GALNT18: variants seen among roughly 807,000 people sequenced by gnomAD.
GALNT18 encodes polypeptide N-acetylgalactosaminyltransferase 18, also known as GalNAc-transferase 18.
A neutral mutation model predicts 69.5 loss-of-function variants in GALNT18; 44 were observed. The observed-to-expected ratio is 0.63, with a 90% confidence interval of 0.50 to 0.81. GALNT18 has a LOEUF of 0.81. Ranked by LOEUF, GALNT18 falls within the 40% of genes least tolerant of loss-of-function variation. GALNT18 has a pLI of 0.00. For synonymous variants in GALNT18, 364 were observed against 318.2 expected (o/e 1.14, Z -1.53); for missense variants, 715 against 810.0 (o/e 0.88, Z 1.42).
At chr11:11,354,900 T>A (rs1255322197) in intron 6 of GALNT18, among the ~76,000 whole-genome samples, 1 of 152,128 alleles carries the variant, frequency 6.6e-6, no homozygotes, top group Non-Finnish European at 1.5e-5. Context: ...TAACCTGTAA[T>A]TCATCTGTAG....
chr11:11,312,962 A>G (rs551493685), intron 9 of GALNT18, among the ~76,000 whole-genome samples: 2 of 152,332 alleles, frequency 1.3e-5, no homozygotes, highest in African/African-American at 4.8e-5. Flanking sequence ...CAGGTGTAAC[A>G]ATTCACAAAG....
rs369373101 is a variant in GALNT18 at position 11,609,615 on chromosome 11, A to G, written c.235+11744T>C. ...AGAAGGCAGCGGTACACCCCAGGTC[A>G]CTGTCAAACTTCCAGCCAACACTGA... On this transcript the variant is annotated intron_variant, in intron 1 of 10. Transcript: ENST00000227756. Among the ~76,000 whole-genome samples, 101 of 152,342 alleles carry G rather than the reference A, an allele frequency of 6.6e-4. 2 individuals are homozygous for G. The East Asian group carries it at 0.018, about 28-fold the overall frequency.
intron 9 of GALNT18, among the ~76,000 whole-genome samples, chr11:11,306,873 C>T (rs1227226897): frequency 6.6e-6 from 1 of 152,214 alleles, no homozygotes; most frequent in Non-Finnish European, 1.5e-5. Flanking sequence ...TACTTTGGGC[C>T]AATGAAATGT....
At chr11:11,445,509 G>A (rs954414202) in intron 2 of GALNT18, among the ~76,000 whole-genome samples, 1 of 152,236 alleles carries the variant, frequency 6.6e-6, no homozygotes, top group Non-Finnish European at 1.5e-5. Context: ...TACAAGGCAG[G>A]GATGTTTTTA....
rs1860110235 is a variant in GALNT18, at chr11:11,618,410, GTTAAAGGACTGGA to G, written c.235+2936_235+2948del. ...TGTCCTGCATGTTCAGTAAACATTA[GTTAAAGGACTGGA>G]ACCTCTGCCTCTTGGCATGAAACAA... is the stretch of plus-strand genomic sequence containing the variant. On this transcript the variant is annotated intron_variant, in intron 1 of 10. Transcript: ENST00000227756. The surrounding 1 kb of genome is among the most constrained non-coding windows in gnomAD (Gnocchi z 6.1). Among the ~76,000 whole-genome samples the G allele has an allele frequency of 6.6e-6, 1 of 152,234 alleles. No individual in the cohort carries two copies. Among genetic ancestry groups the G allele is most frequent in the Non-Finnish European group, 1.5e-5 (1 of 68,046 alleles).
Position 11,341,038 on chromosome 11 carries a change from G to A in GALNT18, c.1093-34C>T. On this transcript the variant is annotated intron_variant, in intron 6 of 10. Transcript: ENST00000227756. This position sits in a 1 kb window ranked among gnomAD's most constrained non-coding sequence, Gnocchi z 6.3. Reference sequence around the variant, plus strand: ...GACATGGAGCCACTTGTCAGAGCCTGCCTGGCTCTGCCTTTCTACACCAGG... The same window carrying A: ...GACATGGAGCCACTTGTCAGAGCCTACCTGGCTCTGCCTTTCTACACCAGG... The A allele has an allele frequency of 6.5e-7, 1 of 1,549,104 alleles. No homozygotes were observed. Among genetic ancestry groups the A allele is most frequent in the South Asian group, 1.2e-5 (1 of 81,902 alleles).
intron 1 of GALNT18, among the ~76,000 whole-genome samples, chr11:11,488,280 T>C (rs1318795612): frequency 2.0e-5 from 3 of 152,172 alleles, no homozygotes; most frequent in Non-Finnish European, 4.4e-5. Context: ...AGAATCCATT[T>C]TCTTTCCTTT....
rs1307030072 is a variant in GALNT18, at chr11:11,372,600, A to G, written c.1007T>C (p.Val336Ala). ...RSPALIGCFIVDRQYFQEIGL... is the reference protein window; with the variant it reads ...RSPALIGCFIADRQYFQEIGL... Reference sequence around the variant, plus strand: ...GATCTCCTGGAAGTACTGCCGGTCCACAATGAAGCAGCCAATGAGGGCAGG... The same window carrying G: ...GATCTCCTGGAAGTACTGCCGGTCCGCAATGAAGCAGCCAATGAGGGCAGG... Residue 336 changes from valine to alanine, a missense_variant, in exon 6 of 11, where the codon GTG becomes GCG. By Grantham distance (64) the Val-to-Ala change is moderately conservative (BLOSUM62 0). Transcript: ENST00000227756. This position sits in a 1 kb window ranked among gnomAD's most constrained non-coding sequence, Gnocchi z 4.9. 6.2e-7 allele frequency: 1 copy of G among 1,614,218 alleles called. No individual in the cohort carries two copies. The highest frequency in any genetic ancestry group is 2.2e-5 in the East Asian group (1 of 44,872).
chr11:11,536,114 G>T (rs1387261325), intron 1 of GALNT18, among the ~76,000 whole-genome samples: 1 of 152,180 alleles, frequency 6.6e-6, no homozygotes, highest in Admixed American at 6.5e-5. Flanking sequence ...GTTTTAAGGG[G>T]CCTGTACAGG....
intron 10 of GALNT18, among the ~76,000 whole-genome samples, chr11:11,287,825 C>T (rs1367293597): frequency 1.3e-5 from 2 of 152,132 alleles, no homozygotes; most frequent in African/African-American, 2.4e-5. Context: ...GGCAATTCTG[C>T]CTGCCCACCA....
At chr11:11,560,134 T>TGG (rs1858450562) in intron 1 of GALNT18, among the ~76,000 whole-genome samples, 2 of 149,246 alleles carry the variant, frequency 1.3e-5, no homozygotes, top group Middle Eastern at 3.7e-3. Flanking sequence ...TGGGATGGGA[T>TGG]AGAATAGAAT....
chr11:11,275,196 T>C (rs1331996469), intron 10 of GALNT18, among the ~76,000 whole-genome samples: 1 of 152,224 alleles, frequency 6.6e-6, no homozygotes, highest in East Asian at 1.9e-4. Context: ...CCACATCCTC[T>C]CTAGCATCTG....
chr11:11,363,578 A>G (rs2133083657), intron 6 of GALNT18, among the ~76,000 whole-genome samples: 1 of 152,324 alleles, frequency 6.6e-6, no homozygotes, highest in South Asian at 2.1e-4. Context: ...GAAAGAAAGG[A>G]AATATGGATG....
chr11:11,520,150 G>A (rs145267210), intron 1 of GALNT18, among the ~76,000 whole-genome samples: 9 of 152,362 alleles, frequency 5.9e-5, no homozygotes, highest in East Asian at 5.8e-4. Flanking sequence ...AGCTTGTAGC[G>A]CTTACTGCAT....
chr11:11,283,687 G>A (rs1253421802), intron 10 of GALNT18, among the ~76,000 whole-genome samples: 3 of 152,176 alleles, frequency 2.0e-5, no homozygotes, highest in Non-Finnish European at 4.4e-5. Context: ...CAGTCATTTG[G>A]TTCACCAGCC....
intron 1 of GALNT18, among the ~76,000 whole-genome samples, chr11:11,533,332 G>T (rs892145012): frequency 9.2e-5 from 14 of 152,162 alleles, no homozygotes; most frequent in Admixed American, 5.9e-4. Flanking sequence ...CAGTCTCACA[G>T]CTGGTCAATG....
intron 10 of GALNT18, among the ~76,000 whole-genome samples, chr11:11,281,784 T>C (rs1013454405): frequency 6.6e-6 from 1 of 151,560 alleles, no homozygotes; most frequent in Non-Finnish European, 1.5e-5. Flanking sequence ...TGAAGGGATG[T>C]GGGAAGGATG....
intron 10 of GALNT18, among the ~76,000 whole-genome samples, chr11:11,278,486 A>C (rs777802527): frequency 2.6e-5 from 4 of 152,096 alleles, no homozygotes; most frequent in Non-Finnish European, 5.9e-5. Context: ...CACATTCTGC[A>C]CATGTACCCC....
Position 11,317,746 on chromosome 11 carries a change from C to A in GALNT18, c.1512+9340G>T, listed in dbSNP as rs1461947441. On this transcript the variant is annotated intron_variant, in intron 9 of 10. Transcript: ENST00000227756. ...CAGAAACTCTTTAGGTTCCACTTGT[C>A]AATTTTTGTTTTTTATTGCCAGACC... Among the ~76,000 whole-genome samples, 3 of 152,114 alleles carry A rather than the reference C, an allele frequency of 2.0e-5. No individual in the cohort carries two copies. In the East Asian group the frequency reaches 5.8e-4, roughly 29 times the overall value.
Sources: allele counts gnomAD v4.1 joint callset (sites outside exome capture counted in the v4.1 genomes callset), GRCh38; gene constraint gnomAD v4.1.1; non-coding constraint Gnocchi (gnomAD v3.1); transcripts MANE v1.5; gene names NCBI Gene and HGNC (gene_info 2026-07-23, HGNC 2026-07-21).